Variants in BNC2 observed in about 807,000 individuals in gnomAD.
BNC2 encodes basonuclin zinc finger protein 2.
A neutral mutation model predicts 76.3 loss-of-function variants in BNC2; 20 were observed. The observed-to-expected ratio is 0.26, with a 90% CI of 0.18 to 0.38. BNC2 has a LOEUF of 0.38. Among genes scored for constraint, BNC2 ranks in the 10% least tolerant of loss-of-function variants. BNC2 has a pLI of 1.00. For synonymous variants in BNC2, 582 were observed against 514.8 expected (o/e 1.13, Z -1.77); for missense variants, 1,382 against 1,399.8 (o/e 0.99, Z 0.20).
chr9:16,430,796 CAT>C (rs1483019865), intron 6 of BNC2, among the ~76,000 whole-genome samples: 1 of 152,244 alleles, frequency 6.6e-6, no homozygotes, highest in African/African-American at 2.4e-5. Flanking sequence ...ATCAAATACA[CAT>C]GTCTTCCGCC....
chr9:16,829,269 G>A (rs1359656947), intron 1 of BNC2, among the ~76,000 whole-genome samples: 1 of 152,178 alleles, frequency 6.6e-6, no homozygotes, highest in Non-Finnish European at 1.5e-5. Context: ...AATATTAATG[G>A]CAACATGTTT....
intron 5 of BNC2, among the ~76,000 whole-genome samples, chr9:16,490,547 C>T (rs1822255363): frequency 6.6e-6 from 1 of 152,124 alleles, no homozygotes; most frequent in Non-Finnish European, 1.5e-5. Flanking sequence ...AGTTTTCTCA[C>T]TTCATATCAG....
At chr9:16,607,411 T>C (rs1182132664) in intron 3 of BNC2, among the ~76,000 whole-genome samples, 1 of 152,150 alleles carries the variant, frequency 6.6e-6, no homozygotes, top group Non-Finnish European at 1.5e-5. Flanking sequence ...AGTCCACACT[T>C]GTAAACTTGG....
At chr9:16,739,081 T>C (rs1824764722) in intron 1 of BNC2, among the ~76,000 whole-genome samples, 1 of 151,184 alleles carries the variant, frequency 6.6e-6, no homozygotes, top group Non-Finnish European at 1.5e-5. Context: ...TGAGCGTAGA[T>C]TATATTCCTA....
rs932430198 is a variant in BNC2, at chr9:16,418,689, T to C, written c.*300A>G. The C allele has an allele frequency of 1.8e-5, 6 of 342,724 alleles. No homozygotes were observed. The highest frequency in any genetic ancestry group is 1.3e-4 in the Admixed American group (3 of 23,024). The allele number at this position is 342,724 out of a possible 1,614,324, so 21.2% of individuals were successfully genotyped here. The stretch of plus-strand genomic sequence containing the variant: ...CTGTGTGTGTGTGTGTGTGTGTGTG[T>C]GTATGTGCATGTGTGTGTGTGTGTG... On this transcript the variant is annotated 3_prime_UTR_variant, in exon 7 of 7. Transcript: ENST00000380672.
intron 4 of BNC2, among the ~76,000 whole-genome samples, chr9:16,566,420 C>A (rs921383005): frequency 6.6e-6 from 1 of 152,128 alleles, no homozygotes; most frequent in Non-Finnish European, 1.5e-5. Context: ...CTAGACAGCA[C>A]CCCCTCACAG....
chr9:16,781,882 A>G (rs1275884615), intron 1 of BNC2, among the ~76,000 whole-genome samples: 13 of 152,214 alleles, frequency 8.5e-5, no homozygotes, highest in African/African-American at 3.1e-4. Flanking sequence ...CATATTTGAT[A>G]TCATCTCAAT....
intron 5 of BNC2, among the ~76,000 whole-genome samples, chr9:16,511,547 T>G (rs1430812937): frequency 1.3e-5 from 2 of 150,444 alleles, no homozygotes; most frequent in Non-Finnish European, 3.0e-5. Context: ...CCTACCTCAT[T>G]CTCCCAAGTA....
Position 16,738,423 on chromosome 9 carries a change from A to C in BNC2, c.66T>G (p.Ser22Arg). 1 of 1,614,084 alleles carries C rather than the reference A, an allele frequency of 6.2e-7. No homozygotes were observed. Among genetic ancestry groups the C allele is most frequent in the Non-Finnish European group, 8.5e-7 (1 of 1,179,970 alleles). Residue 22 changes from serine (S) to arginine (R), a missense_variant, in exon 2 of 7, where the codon AGT becomes AGG. This residue lies in a region of BNC2 where 557 missense variants were observed against 540.9 expected (regional missense o/e 1.03). Coordinates refer to ENST00000380672, the MANE Select transcript of BNC2 (RefSeq NM_017637.6). ...TGAAATATGCTGGCCAGTCTTGCTC[A>C]CTAAGCCTGTCCTCTGATTTGTAAT... ...SLNYKSEDRLSEQDWPAYFKV... is the reference protein window; with the variant it reads ...SLNYKSEDRLREQDWPAYFKV...
rs1031976531 is a variant in BNC2, at chr9:16,692,907, A to G, written c.330+34890T>C. ...CACTTTGGGGGGCCAAGGTGGGTGG[A>G]TTACCTGAGGTCAGGAATTCGACAC... On this transcript the variant is annotated intron_variant, in intron 3 of 6. Transcript: ENST00000380672. 2.6e-5 allele frequency among the ~76,000 whole-genome samples: 4 copies of G among 152,028 alleles called. 1 individual carries two copies. In the East Asian group the frequency reaches 7.7e-4, roughly 29 times the overall value.
intron 1 of BNC2, among the ~76,000 whole-genome samples, chr9:16,818,426 C>T (rs1818236401): frequency 6.6e-6 from 1 of 151,850 alleles, no homozygotes; most frequent in Non-Finnish European, 1.5e-5. Context: ...AACCCAAAAA[C>T]GAAGGGAAGG....
chr9:16,802,553 G>A (rs779914553), intron 1 of BNC2, among the ~76,000 whole-genome samples: 2 of 152,204 alleles, frequency 1.3e-5, no homozygotes, highest in African/African-American at 4.8e-5. Flanking sequence ...TTCAGCAACA[G>A]AAGCTTCAGG....
At chr9:16,535,798 A>T in intron 5 of BNC2, among the ~76,000 whole-genome samples, 1 of 152,194 alleles carries the variant, frequency 6.6e-6, no homozygotes, top group Non-Finnish European at 1.5e-5. Context: ...GCTTTGGCTG[A>T]TGGCATGCTA....
intron 1 of BNC2, among the ~76,000 whole-genome samples, chr9:16,856,588 A>G (rs544331943): frequency 2.0e-5 from 3 of 152,120 alleles, no homozygotes; most frequent in Non-Finnish European, 4.4e-5. Context: ...GTGTAAATAT[A>G]TTTCTTACAA....
chr9:16,770,527 C>T (rs1825805472), intron 1 of BNC2, among the ~76,000 whole-genome samples: 1 of 152,124 alleles, frequency 6.6e-6, no homozygotes, highest in Non-Finnish European at 1.5e-5. Flanking sequence ...CAACTACTTC[C>T]AAATCAGGAG....
chr9:16,436,636 G>T lies in BNC2; in HGVS notation c.1558C>A (p.Pro520Thr). ...TTTGATTTTGTACTTGCTATGACAG[G>T]GGTGGCAGCTCCTGAGGTGGCCCGA... ...LIRATSGAAT[P>T]VIASTKSNLA... Residue 520 changes from proline to threonine, a missense_variant, in exon 6 of 7, where the codon CCT becomes ACT. Transcript: ENST00000380672. 2 of 1,614,076 alleles carry T rather than the reference G, an allele frequency of 1.2e-6. No homozygotes were observed. The highest frequency in any genetic ancestry group is 1.7e-6 in the Non-Finnish European group (2 of 1,180,006).
chr9:16,561,934 G>T (rs554853792), intron 4 of BNC2, among the ~76,000 whole-genome samples: 1 of 152,124 alleles, frequency 6.6e-6, no homozygotes, highest in African/African-American at 2.4e-5. Flanking sequence ...AGCCCACGGA[G>T]GTCGAAGCTG....
intron 3 of BNC2, among the ~76,000 whole-genome samples, chr9:16,589,233 T>C (rs1031523825): frequency 1.3e-5 from 2 of 152,184 alleles, no homozygotes; most frequent in African/African-American, 4.8e-5. Flanking sequence ...TTACCGAGGC[T>C]GGAGTGCAGT....
At chr9:16,777,192 C>T (rs150182380) in intron 1 of BNC2, among the ~76,000 whole-genome samples, 14 of 151,942 alleles carry the variant, frequency 9.2e-5, no homozygotes, top group Admixed American at 9.2e-4. Context: ...AACGATAGGA[C>T]AGTGGTTTGG....
Sources: allele counts gnomAD v4.1 joint callset (sites outside exome capture counted in the v4.1 genomes callset), GRCh38; gene constraint gnomAD v4.1.1; regional missense constraint gnomAD v4.1.1; transcripts MANE v1.5; gene names NCBI Gene and HGNC (gene_info 2026-07-23, HGNC 2026-07-21).